LMX1A: variants seen among roughly 807,000 people sequenced by gnomAD.
LMX1A encodes the protein LIM homeobox transcription factor 1-alpha.
LMX1A carries 15 observed loss-of-function variants against 49.1 expected under a neutral mutation model. That is an observed-to-expected ratio of 0.31 (90% confidence interval 0.20 to 0.47). LMX1A has a LOEUF of 0.47. Ranked by LOEUF, LMX1A falls within the 20% of genes least tolerant of loss-of-function variation. LMX1A has a pLI of 1.00. For missense variants in LMX1A, 372 were observed against 475.8 expected (o/e 0.78, Z 2.03); for synonymous variants, 167 against 185.7 (o/e 0.90, Z 0.82).
chr1:165,305,859 G>A (rs1408626096), intron 3 of LMX1A, among the ~76,000 whole-genome samples: 3 of 152,136 alleles, frequency 2.0e-5, no homozygotes, highest in Non-Finnish European at 4.4e-5. Flanking sequence ...GTGAGCCAAG[G>A]AGTGACCAAC....
At chr1:165,299,696 C>T (rs959527730) in intron 3 of LMX1A, among the ~76,000 whole-genome samples, 4 of 148,566 alleles carry the variant, frequency 2.7e-5, no homozygotes, top group African/African-American at 1.0e-4. Flanking sequence ...AATTCAGTTT[C>T]GGGATGTTAA....
At chr1:165,220,988 G>A (rs1411858778) in intron 4 of LMX1A, among the ~76,000 whole-genome samples, 1 of 152,046 alleles carries the variant, frequency 6.6e-6, no homozygotes, top group African/African-American at 2.4e-5. Flanking sequence ...CTTTATAATT[G>A]CATTGTTTCA....
intron 5 of LMX1A, 66 bp from the exon 6 acceptor site, chr1:165,210,842 T>C (rs1651352563): frequency 3.3e-6 from 4 of 1,217,478 alleles, no homozygotes; most frequent in Admixed American, 3.6e-5. Context: ...GAACATCTCC[T>C]ATATAATACT....
In LMX1A at chr1:165,353,315, C is replaced by T. The variant is rs935046621; in HGVS notation, c.77-53G>A. On this transcript the variant is annotated intron_variant, in intron 2 of 8. Transcript: ENST00000342310. ...GAGCAGCCCGGGCAGGTAGACCATG[C>T]CAAACCTGGCCGGGACCCGCTCCTG... The T allele has an allele frequency of 2.0e-6, 3 of 1,487,844 alleles. 1 individual carries two copies. Among genetic ancestry groups the T allele is most frequent in the African/African-American group, 1.4e-5 (1 of 72,930 alleles). The allele number at this position is 1,487,844 out of a possible 1,614,324, so 92.2% of individuals were successfully genotyped here.
At chr1:165,234,581 G>T (rs996122582) in intron 4 of LMX1A, among the ~76,000 whole-genome samples, 1 of 152,132 alleles carries the variant, frequency 6.6e-6, no homozygotes, top group African/African-American at 2.4e-5. Flanking sequence ...GACAGATATA[G>T]ACGGGCTTTC....
At position 165,293,133 on chromosome 1, in the gene LMX1A, A is replaced by G. The variant is rs182880088; in HGVS notation, c.264-43493T>C. On this transcript the variant is annotated intron_variant, in intron 3 of 8. Transcript: ENST00000342310. ...TCCATCTCAAAAAAAAAAACAAAAC[A>G]AAACAAAACAAAAAAAAAACCTTAC... 3.3e-3 allele frequency among the ~76,000 whole-genome samples: 503 copies of G among 151,802 alleles called. 7 individuals are homozygous for G. Among genetic ancestry groups the G allele is most frequent in the Non-Finnish European group, 5.0e-3 (339 of 67,926 alleles).
intron 3 of LMX1A, among the ~76,000 whole-genome samples, chr1:165,281,282 A>T (rs1571199205): frequency 6.6e-6 from 1 of 152,200 alleles, no homozygotes; most frequent in Non-Finnish European, 1.5e-5. Context: ...AATTTCCTAC[A>T]TGTGGCCACC....
intron 3 of LMX1A, among the ~76,000 whole-genome samples, chr1:165,254,947 C>T (rs1653185783): frequency 6.6e-6 from 1 of 152,204 alleles, no homozygotes; most frequent in African/African-American, 2.4e-5. Flanking sequence ...TTAATTCCCT[C>T]ACCTGTAAAA....
intron 3 of LMX1A, among the ~76,000 whole-genome samples, chr1:165,282,374 T>C (rs576859071): frequency 1.4e-3 from 215 of 152,368 alleles, no homozygotes; most frequent in African/African-American, 5.1e-3. Flanking sequence ...AGTATGTGCA[T>C]GTAACCTACG....
At position 165,227,835 on chromosome 1, in the gene LMX1A, T is replaced by A. The variant is rs144467420; in HGVS notation, c.497-14022A>T. Among the ~76,000 whole-genome samples the A allele has an allele frequency of 4.8e-3, 728 of 152,308 alleles. 4 individuals are homozygous for A. Among genetic ancestry groups the A allele is most frequent in the African/African-American group, 0.016 (682 of 41,568 alleles). On this transcript the variant is annotated intron_variant, in intron 4 of 8. Coordinates refer to ENST00000342310, the MANE Select transcript of LMX1A (RefSeq NM_177398.4). ...TACCAAAAAGTCTTGGTTTTTGTTT[T>A]TTTAAAACAAAAGGAAGGAAATGGA...
At chr1:165,334,556 G>A (rs1002211387) in intron 3 of LMX1A, among the ~76,000 whole-genome samples, 1 of 152,096 alleles carries the variant, frequency 6.6e-6, no homozygotes, top group African/African-American at 2.4e-5. Flanking sequence ...TTCAAACCAG[G>A]TCTGACTCTC....
chr1:165,290,248 G>T (rs766048819), intron 3 of LMX1A, among the ~76,000 whole-genome samples: 1 of 152,152 alleles, frequency 6.6e-6, no homozygotes, highest in East Asian at 1.9e-4. Context: ...ATTCTCTCGC[G>T]GTTCTAGAGA....
chr1:165,223,786 T>C (rs1258502588), intron 4 of LMX1A, among the ~76,000 whole-genome samples: 1 of 149,284 alleles, frequency 6.7e-6, no homozygotes, highest in Non-Finnish European at 1.5e-5. Flanking sequence ...GAAAACAGTA[T>C]CCTAAGCTCT....
chr1:165,238,433 C>T (rs1017164379), intron 4 of LMX1A, among the ~76,000 whole-genome samples: 4 of 152,168 alleles, frequency 2.6e-5, no homozygotes, highest in Non-Finnish European at 5.9e-5. Flanking sequence ...TAGTACCTTA[C>T]GTGCACTTTT....
At chr1:165,271,757 C>T (rs1653801249) in intron 3 of LMX1A, among the ~76,000 whole-genome samples, 1 of 151,982 alleles carries the variant, frequency 6.6e-6, no homozygotes, top group Admixed American at 6.6e-5. Flanking sequence ...GGAGGATGTG[C>T]CAAGCCAGAG....
chr1:165,297,396 T>C (rs1464662633), intron 3 of LMX1A, among the ~76,000 whole-genome samples: 2 of 152,234 alleles, frequency 1.3e-5, no homozygotes, highest in East Asian at 3.8e-4. Flanking sequence ...AGGAATATTG[T>C]ATCCTTTATC....
At chr1:165,315,663 C>T (rs1242714218) in intron 3 of LMX1A, among the ~76,000 whole-genome samples, 3 of 152,238 alleles carry the variant, frequency 2.0e-5, no homozygotes, top group African/African-American at 4.8e-5. Context: ...CAATCCCACA[C>T]TGTGTCTGAC....
intron 3 of LMX1A, among the ~76,000 whole-genome samples, chr1:165,342,802 A>G (rs1656116788): frequency 6.6e-6 from 1 of 151,938 alleles, no homozygotes. Flanking sequence ...AACAGGACAA[A>G]CTGAGAATTG....
intron 3 of LMX1A, among the ~76,000 whole-genome samples, chr1:165,327,839 A>G: frequency 6.6e-6 from 1 of 152,256 alleles, no homozygotes; most frequent in East Asian, 1.9e-4. Flanking sequence ...AAAGCTGTGA[A>G]AGCAGCATTG....
Sources: allele counts gnomAD v4.1 joint callset (sites outside exome capture counted in the v4.1 genomes callset), GRCh38; gene constraint gnomAD v4.1.1; transcripts MANE v1.5; gene names NCBI Gene and HGNC (gene_info 2026-07-23, HGNC 2026-07-21).